The following THSD7A variants were observed in gnomAD, a reference collection of about 807,000 sequenced individuals.
THSD7A encodes the protein thrombospondin type-1 domain-containing protein 7A.
In THSD7A, 96 loss-of-function variants were observed where a neutral mutation model predicts 231.3. The ratio of observed to expected loss-of-function variants is 0.41; its 90% CI spans 0.35 to 0.49. The LOEUF (loss-of-function observed/expected upper bound fraction) is 0.49, where lower values mean the gene tolerates loss of function less well. Among genes scored for constraint, THSD7A ranks in the 20% least tolerant of loss-of-function variants. THSD7A has a pLI of 0.05. For missense variants in THSD7A, 2,290 were observed against 2,070.2 expected, an observed-to-expected ratio of 1.11 and a Z score of -2.06; for synonymous variants, 940 against 743.3, an observed-to-expected ratio of 1.26 and a Z score of -4.30.
intron 1 of THSD7A, among the ~76,000 whole-genome samples, chr7:11,808,079 G>C (rs1165643206): frequency 6.6e-6 from 1 of 152,056 alleles, no homozygotes; most frequent in African/African-American, 2.4e-5. Context: ...ACACAACTCT[G>C]TGAAAGTCTC....
rs192242852 is a variant in THSD7A, at chr7:11,420,799, G to A, written c.3384-3196C>T. Reference sequence around the variant, plus strand: ...TGTACCCTGCAGAGCCACAGGGGTCGAGCTGCCCAAGGCCTTGGGAACCCA... The same window carrying A: ...TGTACCCTGCAGAGCCACAGGGGTCAAGCTGCCCAAGGCCTTGGGAACCCA... On this transcript the variant is annotated intron_variant, in intron 16 of 27. Coordinates refer to ENST00000423059, the MANE Select transcript of THSD7A (RefSeq NM_015204.3). 3.3e-5 allele frequency among the ~76,000 whole-genome samples: 5 copies of A among 152,276 alleles called. No individual in the cohort carries two copies. The East Asian group carries it at 7.7e-4, about 24-fold the overall frequency.
intron 19 of THSD7A, 69 bp from the exon 20 acceptor site, chr7:11,407,492 A>G (rs2115372421): frequency 8.6e-7 from 1 of 1,166,774 alleles, no homozygotes; most frequent in East Asian, 2.5e-5. Context: ...ATGAGGTGAC[A>G]AGAAAGAAGA....
At position 11,636,290 on chromosome 7, in the gene THSD7A, T is replaced by C; in HGVS notation, c.862A>G (p.Ser288Gly). 1 of 1,614,036 alleles carries C rather than the reference T, an allele frequency of 6.2e-7. No homozygotes were observed. The highest frequency in any genetic ancestry group is 8.5e-7 in the Non-Finnish European group (1 of 1,179,906). The part of the protein sequence containing the change: ...GKNKEREKDR[S>G]KGVKDPEARE... ...GCTTCTGGATCCTTTACTCCTTTGC[T>C]GCGGTCCTTTTCCCGTTCTTTATTC... The change falls in exon 2 of 28, where the codon AGC (serine) becomes GGC (glycine). Residue 288 changes from serine to glycine, a missense_variant. Physicochemically the swap from Ser to Gly is moderately conservative, Grantham distance 56 (BLOSUM62 0). Transcript: ENST00000423059. This position sits in a 1 kb window ranked among gnomAD's most constrained non-coding sequence, Gnocchi z 10.0.
At chr7:11,778,295 GATAA>G (rs1783504796) in intron 1 of THSD7A, among the ~76,000 whole-genome samples, 1 of 103,176 alleles carries the variant, frequency 9.7e-6, no homozygotes, top group Non-Finnish European at 2.0e-5. Context: ...ATAAAAAAAT[GATAA>G]AAAACTTCCT....
chr7:11,583,240 A>G (rs1477107491), intron 4 of THSD7A, among the ~76,000 whole-genome samples: 10 of 151,732 alleles, frequency 6.6e-5, no homozygotes, highest in Non-Finnish European at 1.0e-4. Flanking sequence ...TTTCCTTTAA[A>G]TCTTTAATAA....
At position 11,522,223 on chromosome 7, in the gene THSD7A, A is replaced by G. The variant is rs148149737; in HGVS notation, c.1822+19196T>C. Among the ~76,000 whole-genome samples the G allele has an allele frequency of 2.2e-4, 34 of 152,272 alleles. No homozygotes were observed. In the East Asian group the frequency reaches 4.4e-3, roughly 20 times the overall value. On this transcript the variant is annotated intron_variant, in intron 6 of 27. Coordinates refer to ENST00000423059, the MANE Select transcript of THSD7A (RefSeq NM_015204.3). The stretch of plus-strand genomic sequence containing the variant: ...TTTCTCTTCTTATTCCTTGGACAGA[A>G]TTCCTACTTAGAAGCCTAAGAGTCA...
chr7:11,448,088 A>G (rs1472929618), intron 11 of THSD7A, among the ~76,000 whole-genome samples: 30 of 152,166 alleles, frequency 2.0e-4, no homozygotes, highest in Non-Finnish European at 5.9e-5. Context: ...CTTCACATGC[A>G]CAAACATCAA....
chr7:11,829,348 G>C (rs528585513), intron 1 of THSD7A, among the ~76,000 whole-genome samples: 2 of 152,086 alleles, frequency 1.3e-5, no homozygotes, highest in African/African-American at 4.8e-5. Context: ...AAGCCCTTTA[G>C]GGGTTAAAAA....
intron 11 of THSD7A, among the ~76,000 whole-genome samples, chr7:11,455,158 C>T (rs1469617984): frequency 6.6e-6 from 1 of 151,976 alleles, no homozygotes; most frequent in African/African-American, 2.4e-5. Flanking sequence ...TGCCATGTAA[C>T]AGCACAGTGA....
intron 4 of THSD7A, among the ~76,000 whole-genome samples, chr7:11,559,547 G>A (rs981751096): frequency 1.8e-5 from 2 of 111,030 alleles, no homozygotes; most frequent in African/African-American, 3.1e-5. Context: ...ATCCATATAT[G>A]TATAGGATAA....
intron 11 of THSD7A, among the ~76,000 whole-genome samples, chr7:11,454,293 C>T (rs1050303912): frequency 2.6e-5 from 4 of 151,796 alleles, no homozygotes; most frequent in African/African-American, 9.7e-5. Context: ...TCTCTTTTTA[C>T]TTCTTATGCC....
At chr7:11,803,052 A>C (rs76520512) in intron 1 of THSD7A, among the ~76,000 whole-genome samples, 1 of 152,252 alleles carries the variant, frequency 6.6e-6, no homozygotes, top group South Asian at 2.1e-4. Flanking sequence ...AGCCAAGGGC[A>C]TATGTAATAA....
At chr7:11,383,589 C>G (rs1782610103) in intron 23 of THSD7A, among the ~76,000 whole-genome samples, 2 of 151,890 alleles carry the variant, frequency 1.3e-5, no homozygotes, top group South Asian at 4.1e-4. Context: ...GCTCTAAACA[C>G]TCATGAAAAT....
chr7:11,657,453 G>T (rs867827844), intron 1 of THSD7A, among the ~76,000 whole-genome samples: 1 of 151,692 alleles, frequency 6.6e-6, no homozygotes, highest in African/African-American at 2.4e-5. Flanking sequence ...GTTGTAGAAG[G>T]TGTGGAACCA....
At chr7:11,618,124 C>T (rs1483230723) in intron 2 of THSD7A, among the ~76,000 whole-genome samples, 1 of 152,142 alleles carries the variant, frequency 6.6e-6, no homozygotes, top group African/African-American at 2.4e-5. Context: ...TTCATATGGA[C>T]ACTTATATGT....
chr7:11,652,262 T>C (rs927813782), intron 1 of THSD7A, among the ~76,000 whole-genome samples: 1 of 151,530 alleles, frequency 6.6e-6, no homozygotes, highest in African/African-American at 2.4e-5. Flanking sequence ...GAGGAAAAAA[T>C]GTCAATTGTT....
chr7:11,671,458 T>G (rs1053795341), intron 1 of THSD7A, among the ~76,000 whole-genome samples: 1 of 152,202 alleles, frequency 6.6e-6, no homozygotes. Flanking sequence ...ATGTAAGACA[T>G]TCCTCTTGCT....
intron 6 of THSD7A, among the ~76,000 whole-genome samples, chr7:11,522,394 T>C (rs1176189470): frequency 6.6e-6 from 1 of 152,214 alleles, no homozygotes; most frequent in Non-Finnish European, 1.5e-5. Context: ...AAATATTTCA[T>C]TGCATTGATT....
intron 13 of THSD7A, among the ~76,000 whole-genome samples, chr7:11,430,896 A>C (rs1424955535): frequency 2.0e-5 from 3 of 152,212 alleles, no homozygotes; most frequent in Admixed American, 2.0e-4. Flanking sequence ...TCCACTCATC[A>C]GTTAATGGAC....
Sources: gnomAD v4.1 joint callset for allele counts (sites outside exome capture counted in the v4.1 genomes callset) on GRCh38, gnomAD v4.1.1 for gene constraint, Gnocchi (gnomAD v3.1) non-coding constraint, MANE v1.5 for transcripts, NCBI Gene and HGNC (gene_info 2026-07-23, HGNC 2026-07-21) for gene names.